Variants in STK40 observed in about 807,000 individuals in gnomAD.
STK40 encodes serine/threonine-protein kinase 40.
In STK40, 13 loss-of-function variants were observed where a neutral mutation model predicts 47.9. That is an observed-to-expected ratio of 0.27 (90% confidence interval 0.18 to 0.43). STK40 has a LOEUF of 0.43. Ranked by LOEUF, STK40 falls within the 20% of genes least tolerant of loss-of-function variation. The probability of loss-of-function intolerance (pLI) is 1.00; values close to 1 mark genes in which losing one functional copy is unlikely to be tolerated. For synonymous variants in STK40, 225 were observed against 243.2 expected (o/e 0.93, Z 0.69); for missense variants, 460 against 595.1 (o/e 0.77, Z 2.36).
chr1:36,384,879 G>T (rs921363384), intron 1 of STK40, among the ~76,000 whole-genome samples: 2 of 152,196 alleles, frequency 1.3e-5, no homozygotes, highest in Non-Finnish European at 2.9e-5. Context: ...AGGGAAAGGC[G>T]CCCAGCCCAG....
chr1:36,350,141 G>A (rs1379197983), intron 6 of STK40, among the ~76,000 whole-genome samples: 2 of 152,198 alleles, frequency 1.3e-5, no homozygotes, highest in Non-Finnish European at 2.9e-5. Flanking sequence ...CAACTCCAGC[G>A]CCTATACAGG....
intron 6 of STK40, among the ~76,000 whole-genome samples, chr1:36,353,857 T>C (rs1646779917): frequency 6.6e-6 from 1 of 152,182 alleles, no homozygotes; most frequent in African/African-American, 2.4e-5. Flanking sequence ...CCTCAGAGTC[T>C]GTTTCCTGAG....
intron 1 of STK40, among the ~76,000 whole-genome samples, chr1:36,378,467 C>CT (rs570614256): frequency 5.6e-4 from 83 of 148,034 alleles, no homozygotes; most frequent in South Asian, 4.8e-3. Flanking sequence ...GGCTTTTTTT[C>CT]TTTTTTTTTT....
intron 1 of STK40, among the ~76,000 whole-genome samples, chr1:36,375,331 AC>A (rs1295706653): frequency 6.6e-6 from 1 of 151,950 alleles, no homozygotes; most frequent in Non-Finnish European, 1.5e-5. Context: ...ACACGGTGAA[AC>A]CCCATTTCTA....
intron 3 of STK40, 65 bp downstream of exon 3, chr1:36,358,672 G>A: frequency 6.5e-7 from 1 of 1,534,186 alleles, no homozygotes; most frequent in South Asian, 1.1e-5. Flanking sequence ...AGGTGGAGGA[G>A]GGAGGAGTGG....
At chr1:36,360,744 C>T (rs1646844963) in intron 2 of STK40, among the ~76,000 whole-genome samples, 1 of 152,068 alleles carries the variant, frequency 6.6e-6, no homozygotes, top group Admixed American at 6.6e-5. Flanking sequence ...CACTATGTTG[C>T]CCAAGCTTGC....
At chr1:36,367,957 G>A in intron 1 of STK40, 1 of 920,882 alleles carries the variant, frequency 1.1e-6, no homozygotes, top group Non-Finnish European at 1.3e-6. Flanking sequence ...GTGGGGAGGA[G>A]TCTGGAATTC....
chr1:36,367,871 T>C, intron 1 of STK40: 1 of 985,484 alleles, frequency 1.0e-6, no homozygotes, highest in Non-Finnish European at 1.2e-6. Context: ...AGTAAGGGAC[T>C]GTCCAGGATG....
Position 36,341,584 on chromosome 1 carries a change from G to T in STK40, c.*171C>A. The T allele has an allele frequency of 1.5e-6, 1 of 685,436 alleles. No individual in the cohort carries two copies. The highest frequency in any genetic ancestry group is 2.4e-6 in the Non-Finnish European group (1 of 412,678). 42.5% of individuals were successfully genotyped at this position (685,436 alleles called of 1,614,324 possible). On this transcript the variant is annotated 3_prime_UTR_variant, in exon 11 of 11. Transcript: ENST00000373132. ...AATCGAGCAATCATCCCAAAAGGTA[G>T]CTTCGTGGTACCTCTGCTGACCCCA...
intron 1 of STK40, among the ~76,000 whole-genome samples, chr1:36,383,544 T>G (rs1267127581): frequency 6.6e-6 from 1 of 152,248 alleles, no homozygotes; most frequent in African/African-American, 2.4e-5. Context: ...AAGCCTAGGT[T>G]TGTCTCCGAA....
At chr1:36,347,187 G>C (rs1646710908) in intron 7 of STK40, among the ~76,000 whole-genome samples, 1 of 152,182 alleles carries the variant, frequency 6.6e-6, no homozygotes, top group Admixed American at 6.5e-5. Context: ...TGCTCACCAG[G>C]ATGTGTGTGA....
chr1:36,339,835 G>A lies in STK40; in HGVS notation c.*1920C>T, dbSNP rs1044681045. 6.6e-5 allele frequency: 10 copies of A among 152,644 alleles called. No individual in the cohort carries two copies. Among genetic ancestry groups the A allele is most frequent in the African/African-American group, 2.4e-4 (10 of 41,456 alleles). The allele number at this position is 152,644 out of a possible 1,614,324, so 9.5% of individuals were successfully genotyped here. A position where few individuals can be genotyped will look rare whatever the true frequency, so the allele number is the denominator to read the frequency against. On this transcript the variant is annotated 3_prime_UTR_variant, in exon 11 of 11. Transcript: ENST00000373132. Reference sequence around the variant, plus strand: ...CAGACACATGGCTTGACCTTGGAAGGGCCCAGTCTGTCTGACAGGGCTTTG... The same window carrying A: ...CAGACACATGGCTTGACCTTGGAAGAGCCCAGTCTGTCTGACAGGGCTTTG...
At chr1:36,383,585 C>T (rs1372170816) in intron 1 of STK40, among the ~76,000 whole-genome samples, 2 of 152,282 alleles carry the variant, frequency 1.3e-5, no homozygotes, top group Non-Finnish European at 1.5e-5. Context: ...CGCTCCTGTC[C>T]TCCTCCTTCC....
chr1:36,341,733 C>A lies in STK40; in HGVS notation c.*22G>T. 1.2e-6 allele frequency: 2 copies of A among 1,607,322 alleles called. No individual in the cohort carries two copies. Among genetic ancestry groups the A allele is most frequent in the Non-Finnish European group, 1.7e-6 (2 of 1,176,582 alleles). Reference sequence around the variant, plus strand: ...GGGGCTGGAAGAAGTGGCAGCAGTGCTGGTGGCCCCGGCTGAGGCTGTTAT... The same window carrying A: ...GGGGCTGGAAGAAGTGGCAGCAGTGATGGTGGCCCCGGCTGAGGCTGTTAT... On this transcript the variant is annotated 3_prime_UTR_variant, in exon 11 of 11. Coordinates refer to ENST00000373132, the MANE Select transcript of STK40 (RefSeq NM_001282547.2).
In STK40 at chr1:36,383,328, A is replaced by G. The variant is rs554883950; in HGVS notation, c.-9+2395T>C. 4.6e-5 allele frequency among the ~76,000 whole-genome samples: 7 copies of G among 152,358 alleles called. No homozygotes were observed. In the East Asian group the frequency reaches 1.3e-3, roughly 29 times the overall value. ...CAAGTTAGCAAACACAGCACCCTTT[A>G]CAACTGGCCTTCTGAGAGGGCAGTC... On this transcript the variant is annotated intron_variant, in intron 1 of 10. Transcript: ENST00000373132.
intron 6 of STK40, among the ~76,000 whole-genome samples, chr1:36,351,257 ACTT>A (rs769351773): frequency 1.3e-5 from 2 of 152,156 alleles, no homozygotes; most frequent in Non-Finnish European, 2.9e-5. Flanking sequence ...AGCGGGGTGA[ACTT>A]GTTGTTGCAG....
intron 1 of STK40, among the ~76,000 whole-genome samples, chr1:36,369,299 T>G (rs1646926009): frequency 6.6e-6 from 1 of 152,088 alleles, no homozygotes; most frequent in African/African-American, 2.4e-5. Flanking sequence ...TCAGGAAGGA[T>G]GCACTCCATG....
At position 36,355,230 on chromosome 1, in the gene STK40, G is replaced by T. The variant is rs2124733910; in HGVS notation, c.546C>A (p.Val182=). The T allele has an allele frequency of 1.2e-6, 2 of 1,614,030 alleles. No individual in the cohort carries two copies. The highest frequency in any genetic ancestry group is 2.2e-5 in the East Asian group (1 of 44,858). Residue 182 remains valine, a synonymous_variant, in exon 5 of 11, where the codon GTC becomes GTA. Coordinates refer to ENST00000373132, the MANE Select transcript of STK40 (RefSeq NM_001282547.2). ...CCTGGTGCAGGGCCTCCACCACGCG[G>T]ACCACGTCGTAGAAGATTACCACAG... ...RETVVIFYDV[V]RVVEALHQKN... is the part of the protein sequence containing the mutation.
chr1:36,364,973 G>GT lies in STK40; in HGVS notation c.-8-3634dup, dbSNP rs528204405. ...TAAGGTGAAATCCTCACATGCTATTGTTTTGGTCCTTATTCTTTTTTTTTT... is the reference window on the plus strand; with the variant it reads ...TAAGGTGAAATCCTCACATGCTATTGTTTTTGGTCCTTATTCTTTTTTTTTT... On this transcript the variant is annotated intron_variant, in intron 1 of 10. Coordinates refer to ENST00000373132, the MANE Select transcript of STK40 (RefSeq NM_001282547.2). 5.8e-3 allele frequency among the ~76,000 whole-genome samples: 847 copies of GT among 145,626 alleles called. 6 individuals are homozygous for GT. The highest frequency in any genetic ancestry group is 0.02 in the African/African-American group (798 of 39,314).
Sources: allele counts gnomAD v4.1 joint callset (sites outside exome capture counted in the v4.1 genomes callset), GRCh38; gene constraint gnomAD v4.1.1; transcripts MANE v1.5; gene names NCBI Gene and HGNC (gene_info 2026-07-23, HGNC 2026-07-21).